The following ATAD2 variants were observed in gnomAD, a reference collection of about 807,000 sequenced individuals.
The protein encoded by ATAD2 is ATPase family AAA domain-containing protein 2.
In ATAD2, 62 loss-of-function variants were observed where a neutral mutation model predicts 168.9. That is an observed-to-expected ratio of 0.37 (90% confidence interval 0.30 to 0.45). The LOEUF (loss-of-function observed/expected upper bound fraction) is 0.45. ATAD2 is among the 20% of genes least tolerant of loss of function. ATAD2 has a pLI of 1.00. For synonymous variants in ATAD2, 613 were observed against 571.6 expected, an observed-to-expected ratio of 1.07 and a Z score of -1.03; for missense variants, 1,419 against 1,667.8, an observed-to-expected ratio of 0.85 and a Z score of 2.60.
intron 1 of ATAD2, among the ~76,000 whole-genome samples, chr8:123,385,739 G>T (rs1288838159): frequency 5.9e-5 from 9 of 151,764 alleles, no homozygotes; most frequent in Non-Finnish European, 1.0e-4. Context: ...AAAAAAATCT[G>T]CAAATCATAT....
chr8:123,359,326 T>A lies in ATAD2; in HGVS notation c.1277A>T (p.Asp426Val). The A allele has an allele frequency of 1.9e-6, 3 of 1,603,164 alleles. No individual in the cohort carries two copies. Among genetic ancestry groups the A allele is most frequent in the Non-Finnish European group, 2.6e-6 (3 of 1,175,124 alleles). Residue 426 changes from aspartate to valine, a missense_variant, in exon 11 of 28, where the codon GAT (aspartate) becomes GTT (valine). Physicochemically the swap from Asp to Val is radical, Grantham distance 152. Around this residue, in one of 5 missense-constraint regions of ATAD2, gnomAD observed 146 missense variants for 188.3 expected, o/e 0.78. Transcript: ENST00000287394. Reference protein sequence around the residue: ...PMQLDSSVRFDSVGGLSNHIA... With the variant: ...PMQLDSSVRFVSVGGLSNHIA... ...ATGATTAGACAGGCCACCAACACTA[T>A]CAAATCGTACCTGGTAATGGAAGCG...
rs150184958 is a variant in ATAD2 at position 123,369,904 on chromosome 8, T to C, written c.848A>G (p.Glu283Gly). The C allele has an allele frequency of 2.0e-4, 310 of 1,576,892 alleles. No individual in the cohort carries two copies. Among genetic ancestry groups the C allele is most frequent in the Non-Finnish European group, 2.4e-4 (279 of 1,154,414 alleles). ...CTGATTCTCTTCTTCTCCATCTTCT[T>C]CATCTTCATCATCTTCATCATCATC... Reference protein sequence around the residue: ...DDDDDEDDEDEEDGEEENQKR... With the variant: ...DDDDDEDDEDGEDGEEENQKR... Residue 283 changes from glutamate to glycine, a missense_variant, in exon 7 of 28, where the codon GAA becomes GGA. By Grantham distance (98) the Glu-to-Gly change is moderately conservative (BLOSUM62 -2). This residue lies in a region of ATAD2 where 419 missense variants were observed against 423.5 expected (regional missense o/e 0.99). Coordinates refer to ENST00000287394, the MANE Select transcript of ATAD2 (RefSeq NM_014109.4).
chr8:123,326,301 G>T (rs1192296013), intron 25 of ATAD2, among the ~76,000 whole-genome samples: 2 of 152,092 alleles, frequency 1.3e-5, no homozygotes, highest in African/African-American at 4.8e-5. Flanking sequence ...ACACAGAACT[G>T]AAAAGCTAGA....
intron 19 of ATAD2, chr8:123,342,656 A>G (rs997129115): frequency 5.3e-5 from 8 of 152,034 alleles, no homozygotes; most frequent in Non-Finnish European, 1.2e-4. Flanking sequence ...ACCTTTAAGG[A>G]CCTCCCCCAC....
At chr8:123,328,799 T>A (rs868076124) in intron 24 of ATAD2, among the ~76,000 whole-genome samples, 4 of 446 alleles carry the variant, frequency 9.0e-3, no homozygotes, top group African/African-American at 0.01. Flanking sequence ...TATCTTGAAA[T>A]TTTTTTTTTT....
At position 123,349,450 on chromosome 8, in the gene ATAD2, T is replaced by A. The variant is rs1382272849; in HGVS notation, c.1647-6A>T. The A allele has an allele frequency of 1.2e-6, 2 of 1,611,484 alleles. No homozygotes were observed. The highest frequency in any genetic ancestry group is 1.7e-6 in the Non-Finnish European group (2 of 1,178,100). On this transcript the variant is annotated splice_region_variant and splice_polypyrimidine_tract_variant and intron_variant, in intron 13 of 27. Transcript: ENST00000287394. ...GCAGGGTGGAAACAATAGAACTAAA[T>A]TTTAAAAATAAGAGAGAAGAGATTA...
At chr8:123,351,865 C>T (rs888038900) in intron 13 of ATAD2, among the ~76,000 whole-genome samples, 1 of 151,892 alleles carries the variant, frequency 6.6e-6, no homozygotes, top group African/African-American at 2.4e-5. Flanking sequence ...CTACTGCCTC[C>T]ACCTCCCGAG....
rs780118332 is a variant in ATAD2, at chr8:123,323,021, A to G, written c.4048T>C (p.Phe1350Leu). 3.5e-5 allele frequency: 56 copies of G among 1,612,610 alleles called. No homozygotes were observed. The highest frequency in any genetic ancestry group is 5.0e-5 in the Admixed American group (3 of 59,984). ...ACTGCATACAAATTTTCCAACTGAA[A>G]TATGTTGTAGTTTTGACTTTTTTTA... The part of the protein sequence containing the change: ...VVKKSQNYNI[F>L]QLENLYAVIS... Residue 1350 changes from phenylalanine (F) to leucine (L), a missense_variant, in exon 27 of 28, where the codon TTT (phenylalanine) becomes CTT (leucine). Phe to Leu is a conservative substitution (Grantham distance 22). Transcript: ENST00000287394.
intron 19 of ATAD2, among the ~76,000 whole-genome samples, chr8:123,343,519 A>C (rs934901865): frequency 2.6e-5 from 4 of 152,170 alleles, no homozygotes; most frequent in Admixed American, 1.3e-4. Flanking sequence ...GAAAATAAGC[A>C]CTCAATAAAT....
intron 1 of ATAD2, among the ~76,000 whole-genome samples, chr8:123,383,024 G>C (rs1563861625): frequency 6.6e-6 from 1 of 152,174 alleles, no homozygotes; most frequent in Non-Finnish European, 1.5e-5. Context: ...CCATAAAAAG[G>C]ATGAGTTCAT....
Position 123,389,950 on chromosome 8 carries a change from T to A in ATAD2, c.171+6237A>T, listed in dbSNP as rs1394180403. On this transcript the variant is annotated intron_variant, in intron 1 of 27. Coordinates refer to ENST00000287394, the MANE Select transcript of ATAD2 (RefSeq NM_014109.4). ...CAACTGCTATATAAGTGGTAGCTATTACTATTATTTTATATATATATATAT... is the reference window on the plus strand; with the variant it reads ...CAACTGCTATATAAGTGGTAGCTATAACTATTATTTTATATATATATATAT... Among the ~76,000 whole-genome samples, 18 of 105,614 alleles carry A rather than the reference T, an allele frequency of 1.7e-4. 1 individual carries two copies. Among genetic ancestry groups the A allele is most frequent in the African/African-American group, 5.7e-4 (16 of 28,268 alleles). 69.3% of individuals were successfully genotyped at this position (105,614 alleles called of 152,430 possible). A position where few individuals can be genotyped will look rare whatever the true frequency, so the allele number is the denominator to read the frequency against.
intron 8 of ATAD2, among the ~76,000 whole-genome samples, chr8:123,363,068 G>A (rs185588716): frequency 6.6e-5 from 10 of 152,282 alleles, no homozygotes; most frequent in Admixed American, 6.5e-4. Context: ...AGTCTGGTTG[G>A]GAAGAACTTT....
intron 19 of ATAD2, among the ~76,000 whole-genome samples, chr8:123,342,040 C>T (rs2131311914): frequency 6.6e-6 from 1 of 152,248 alleles, no homozygotes; most frequent in African/African-American, 2.4e-5. Context: ...GAGCCAAGAT[C>T]GCACCCCTAC....
At chr8:123,411,339 A>T (rs1231131008) in intron 1 of ATAD2, among the ~76,000 whole-genome samples, 1 of 152,118 alleles carries the variant, frequency 6.6e-6, no homozygotes, top group Non-Finnish European at 1.5e-5. Flanking sequence ...GGAAATTTCA[A>T]CTGCACAACC....
At chr8:123,410,363 G>A (rs539993715) in intron 1 of ATAD2, among the ~76,000 whole-genome samples, 2 of 151,892 alleles carry the variant, frequency 1.3e-5, no homozygotes, top group East Asian at 1.9e-4. Context: ...CTCAGCTCAC[G>A]GCAACCTCCA....
At position 123,410,169 on chromosome 8, in the gene ATAD2, G is replaced by A. The variant is rs146950079; in HGVS notation, c.-2282+6079C>T. Among the ~76,000 whole-genome samples the A allele has an allele frequency of 1.6e-4, 25 of 152,134 alleles. No homozygotes were observed. In the East Asian group the frequency reaches 4.4e-3, roughly 27 times the overall value. Reference sequence around the variant, plus strand: ...CACAGGTTTCTTTGAGTAGCATTTCGTATTTCTTCCTTAACCAGATCATTG... The same window carrying A: ...CACAGGTTTCTTTGAGTAGCATTTCATATTTCTTCCTTAACCAGATCATTG... On this transcript the variant is annotated intron_variant, in intron 1 of 28. Coordinates refer to the ATAD2 transcript ENST00000521903.
In ATAD2 at chr8:123,359,664, C is replaced by G; in HGVS notation, c.1179G>C (p.Arg393=). 6.2e-7 allele frequency: 1 copy of G among 1,612,442 alleles called. No homozygotes were observed. The highest frequency in any genetic ancestry group is 8.5e-7 in the Non-Finnish European group (1 of 1,179,532). ...TATAAATGCCTTTTAATTCATCTTT[C>G]CGAAAATTTAGTGGGAGGCACCTAT... The part of the protein sequence containing the change: ...AINRCLPLNF[R]KDELKGIYKD... The change falls in exon 10 of 28, where the codon CGG becomes CGC. Residue 393 remains arginine, a synonymous_variant. Transcript: ENST00000287394.
At chr8:123,394,405 G>A (rs1656043617) in intron 1 of ATAD2, among the ~76,000 whole-genome samples, 1 of 152,154 alleles carries the variant, frequency 6.6e-6, no homozygotes, top group Non-Finnish European at 1.5e-5. Context: ...TGAGGCAAGT[G>A]GATCACCTGA....
chr8:123,345,046 T>C lies in ATAD2; in HGVS notation c.2556A>G (p.Thr852=). The change falls in exon 19 of 28, where the codon ACA becomes ACG. Residue 852 remains threonine, a synonymous_variant. Transcript: ENST00000287394. ...CAQVIREAKR[T]APSIVYVPHI... is the part of the protein sequence containing the mutation. ...GAGGAACATACACTATACTTGGTGCTGTTCTCTTAGCTTCACGAATCACCT... is the reference window on the plus strand; with the variant it reads ...GAGGAACATACACTATACTTGGTGCCGTTCTCTTAGCTTCACGAATCACCT... 1 of 1,610,360 alleles carries C rather than the reference T, an allele frequency of 6.2e-7. No individual in the cohort carries two copies. The highest frequency in any genetic ancestry group is 8.5e-7 in the Non-Finnish European group (1 of 1,177,028).
Sources: gnomAD v4.1 joint callset for allele counts (sites outside exome capture counted in the v4.1 genomes callset) on GRCh38, gnomAD v4.1.1 for gene constraint, gnomAD v4.1.1 regional missense constraint, MANE v1.5 for transcripts, NCBI Gene and HGNC (gene_info 2026-07-23, HGNC 2026-07-21) for gene names.